The following CCDC141 variants were observed in gnomAD, a reference collection of about 807,000 sequenced individuals.
The protein encoded by CCDC141 is coiled-coil domain containing 141, also known as coiled-coil domain-containing protein 141.
In CCDC141, 168 loss-of-function variants were observed where a neutral mutation model predicts 181.0. The ratio of observed to expected loss-of-function variants is 0.93; its 90% CI spans 0.82 to 1.05. The LOEUF (loss-of-function observed/expected upper bound fraction) is 1.05, where lower values mean the gene tolerates loss of function less well. CCDC141 is among the 50% of genes least tolerant of loss of function. CCDC141 has a pLI of 0.00. For synonymous variants in CCDC141, 666 were observed against 642.3 expected, an observed-to-expected ratio of 1.04 and a Z score of -0.56; for missense variants, 1,902 against 1,788.5, an observed-to-expected ratio of 1.06 and a Z score of -1.14.
At chr2:178,890,319 C>T (rs1156894786) in intron 8 of CCDC141, among the ~76,000 whole-genome samples, 4 of 152,114 alleles carry the variant, frequency 2.6e-5, no homozygotes, top group Non-Finnish European at 5.9e-5. Flanking sequence ...CCCAAATGCC[C>T]TCAGTGTCTA....
intron 2 of CCDC141, among the ~76,000 whole-genome samples, chr2:179,019,944 CAG>C (rs1360420066): frequency 7.2e-5 from 11 of 151,846 alleles, no homozygotes; most frequent in African/African-American, 2.7e-4. Context: ...TTTTTCGAGA[CAG>C]AGTTTCACCA....
intron 2 of CCDC141, among the ~76,000 whole-genome samples, chr2:179,011,545 AAC>A (rs2042270569): frequency 6.6e-6 from 1 of 152,172 alleles, no homozygotes; most frequent in South Asian, 2.1e-4. Context: ...CCCCACTGAC[AAC>A]ACACACTAGA....
At chr2:178,945,964 C>T (rs1689715648) in intron 5 of CCDC141, among the ~76,000 whole-genome samples, 1 of 151,980 alleles carries the variant, frequency 6.6e-6, no homozygotes. Flanking sequence ...AGGTCTACAC[C>T]AACTCTTAGT....
chr2:178,946,209 T>C (rs1410530174), intron 5 of CCDC141, among the ~76,000 whole-genome samples: 1 of 152,194 alleles, frequency 6.6e-6, no homozygotes, highest in Non-Finnish European at 1.5e-5. Context: ...TACACAAGTA[T>C]TGTGCTTATG....
In CCDC141 at chr2:179,015,100, ATATAATAT is replaced by A. The variant is rs1559048719; in HGVS notation, c.225+32176_225+32183del. ...TATATATATATATATATATATATAT[ATATAATAT>A]ATATATAATCATATATATATATCAT... On this transcript the variant is annotated intron_variant, in intron 2 of 23. Coordinates refer to ENST00000443758, the MANE Select transcript of CCDC141 (RefSeq NM_173648.4). 2.3e-3 allele frequency among the ~76,000 whole-genome samples: 71 copies of A among 30,364 alleles called. 2 individuals carry two copies. The highest frequency in any genetic ancestry group is 4.0e-3 in the African/African-American group (60 of 14,928). 19.9% of individuals were successfully genotyped at this position (30,364 alleles called of 152,430 possible). A position where few individuals can be genotyped will look rare whatever the true frequency, so the allele number is the denominator to read the frequency against.
At chr2:178,817,712 G>C in the CCDC141 span, 5 of 349,168 alleles carry the variant, frequency 1.4e-5, no homozygotes, top group African/African-American at 1.1e-4. Flanking sequence ...AAGTTGCTAA[G>C]ATACACATGT....
chr2:178,901,922 T>G (rs1004947019), intron 8 of CCDC141, among the ~76,000 whole-genome samples: 7 of 152,132 alleles, frequency 4.6e-5, no homozygotes, highest in Admixed American at 4.6e-4. Flanking sequence ...GGATACAAAA[T>G]GAATATACAA....
chr2:178,963,903 G>A (rs1320609465), intron 4 of CCDC141, among the ~76,000 whole-genome samples: 1 of 121,686 alleles, frequency 8.2e-6, no homozygotes, highest in Non-Finnish European at 1.7e-5. Context: ...AATTCAACCA[G>A]GTGAGAAGAA....
chr2:178,981,399 C>G (rs1299583512), intron 2 of CCDC141, among the ~76,000 whole-genome samples: 1 of 151,182 alleles, frequency 6.6e-6, no homozygotes, highest in Non-Finnish European at 1.5e-5. Flanking sequence ...CGAATATACT[C>G]TCAGACCACA....
the CCDC141 span, among the ~76,000 whole-genome samples, chr2:178,823,592 C>T: frequency 1.3e-5 from 2 of 152,054 alleles, no homozygotes; most frequent in Non-Finnish European, 2.9e-5. Flanking sequence ...ATTGAAAAAA[C>T]CAACAGCTGC....
chr2:179,015,286 C>CATCTATATCAT (rs2042443339), intron 2 of CCDC141, among the ~76,000 whole-genome samples: 1 of 120,862 alleles, frequency 8.3e-6, no homozygotes, highest in Non-Finnish European at 1.7e-5. Flanking sequence ...ATCTATCTCT[C>CATCTATATCAT]ATATATCTCA....
intron 6 of CCDC141, among the ~76,000 whole-genome samples, chr2:178,932,093 A>G (rs1011980519): frequency 6.6e-6 from 1 of 152,138 alleles, no homozygotes; most frequent in Non-Finnish European, 1.5e-5. Flanking sequence ...TAGGAGGCAG[A>G]GCCTGAATAA....
Position 178,836,963 on chromosome 2 carries a change from G to GT in CCDC141, c.4255dup (p.Thr1419AsnfsTer13), listed in dbSNP as rs1684501156. 1 of 1,613,800 alleles carries GT rather than the reference G, an allele frequency of 6.2e-7. No homozygotes were observed. Among genetic ancestry groups the GT allele is most frequent in the South Asian group, 1.1e-5 (1 of 91,064 alleles). On this transcript the variant is annotated frameshift_variant, in exon 23 of 24. Coordinates refer to ENST00000443758, the MANE Select transcript of CCDC141 (RefSeq NM_173648.4). LOFTEE classifies it high-confidence loss of function. ...AGTCACTGGAGAACCTTCCATGACA[G>GT]TTACATTAGACAGGAGCCTGGAGAA...
chr2:178,842,617 A>G (rs751882645), intron 22 of CCDC141, among the ~76,000 whole-genome samples: 3 of 152,256 alleles, frequency 2.0e-5, no homozygotes, highest in Non-Finnish European at 2.9e-5. Flanking sequence ...AGGGAACTAC[A>G]TATGTGGTAA....
chr2:178,962,336 C>T (rs1690442417), intron 4 of CCDC141, among the ~76,000 whole-genome samples: 1 of 152,160 alleles, frequency 6.6e-6, no homozygotes, highest in Admixed American at 6.5e-5. Context: ...GGGAACTGTC[C>T]ACTCTCCATC....
chr2:178,968,656 C>T (rs921432638), intron 4 of CCDC141, among the ~76,000 whole-genome samples: 1 of 151,274 alleles, frequency 6.6e-6, no homozygotes, highest in African/African-American at 2.4e-5. Context: ...AAATTGACAC[C>T]TTAACATCAA....
At chr2:178,870,431 G>A (rs1456627880) in intron 14 of CCDC141, among the ~76,000 whole-genome samples, 1 of 152,052 alleles carries the variant, frequency 6.6e-6, no homozygotes, top group Non-Finnish European at 1.5e-5. Context: ...ACAGTGACAG[G>A]GCTAAAGAGG....
intron 2 of CCDC141, among the ~76,000 whole-genome samples, chr2:179,044,330 G>A (rs968045971): frequency 2.0e-5 from 3 of 152,118 alleles, no homozygotes; most frequent in Non-Finnish European, 4.4e-5. Context: ...TGAAACCAAA[G>A]AAGAGCCCGA....
chr2:179,006,562 T>G (rs2042128328), intron 2 of CCDC141, among the ~76,000 whole-genome samples: 1 of 152,156 alleles, frequency 6.6e-6, no homozygotes, highest in African/African-American at 2.4e-5. Context: ...AGATAATGAG[T>G]ATTTACCATT....
Sources: gnomAD v4.1 joint callset for allele counts (sites outside exome capture counted in the v4.1 genomes callset) on GRCh38, gnomAD v4.1.1 for gene constraint, MANE v1.5 for transcripts, NCBI Gene and HGNC (gene_info 2026-07-23, HGNC 2026-07-21) for gene names.